The following PTPRF variants were observed in gnomAD, a reference collection of about 807,000 sequenced individuals.
The protein encoded by PTPRF is receptor-type tyrosine-protein phosphatase F.
Under a neutral mutation model 201.8 loss-of-function variants are expected in PTPRF, and 59 were observed. The observed-to-expected ratio is 0.29, with a 90% CI of 0.24 to 0.36. PTPRF has a LOEUF of 0.36. Ranked by LOEUF, PTPRF falls within the 10% of genes least tolerant of loss-of-function variation. The pLI is 1.00. For synonymous variants in PTPRF, 1,088 were observed against 1,089.7 expected (o/e 1.00, Z 0.03); for missense variants, 2,132 against 2,690.5 (o/e 0.79, Z 4.59).
intron 13 of PTPRF, among the ~76,000 whole-genome samples, chr1:43,601,626 C>T (rs1474562243): frequency 6.6e-6 from 1 of 152,232 alleles, no homozygotes; most frequent in Non-Finnish European, 1.5e-5. Flanking sequence ...TGGCAACAAG[C>T]ACAGGCCAGG....
intron 13 of PTPRF, 25 bp from the exon 14 acceptor site, chr1:43,602,046 C>T (rs775267333): frequency 1.2e-6 from 2 of 1,610,226 alleles, no homozygotes; most frequent in South Asian, 1.1e-5. Flanking sequence ...TCCTGTCTCC[C>T]TTTCTCTCCC....
intron 1 of PTPRF, chr1:43,532,657 A>T (rs548462230): frequency 6.3e-6 from 1 of 158,518 alleles, no homozygotes; most frequent in Admixed American, 6.4e-5. Context: ...GAGTTCTGAC[A>T]GGCTATCTAA....
At chr1:43,614,664 A>G (rs1657285778) in intron 23 of PTPRF, among the ~76,000 whole-genome samples, 1 of 152,110 alleles carries the variant, frequency 6.6e-6, no homozygotes, top group African/African-American at 2.4e-5. Flanking sequence ...CAGCCTGGCC[A>G]CCGTGGCGAA....
In PTPRF at chr1:43,603,717, G is replaced by A. The variant is rs76320098; in HGVS notation, c.2565G>A (p.Leu855=). The change falls in exon 16 of 34, where the codon CTG becomes CTA. Residue 855 remains leucine (L), a synonymous_variant. Transcript: ENST00000359947. This position sits in a 1 kb window ranked among gnomAD's most constrained non-coding sequence, Gnocchi z 5.8. ...CTGGCGAGCTGCTGGGCTACCGGCT[G>A]CAGTACTGCCGGGCCGACGAGGCGC... is the stretch of plus-strand genomic sequence containing the variant. The part of the protein sequence containing the change: ...ELPGELLGYR[L]QYCRADEARP... The A allele has an allele frequency of 9.1e-4, 1,463 of 1,613,730 alleles. 8 individuals are homozygous for A. In the African/African-American group the frequency reaches 0.016, roughly 18 times the overall value.
At chr1:43,618,488 G>A (rs1411940125) in intron 25 of PTPRF, 142 bp from the exon 26 acceptor site, 2 of 992,036 alleles carry the variant, frequency 2.0e-6, no homozygotes, top group Non-Finnish European at 1.5e-6. Context: ...TGGAGGACAG[G>A]GGGCAATGGA....
At chr1:43,560,105 AGT>A (rs58961389) in intron 5 of PTPRF, among the ~76,000 whole-genome samples, 1,711 of 138,830 alleles carry the variant, frequency 0.012, 18 homozygotes, top group East Asian at 0.015. Context: ...TGCAGCAGGC[AGT>A]GTGTGTGTGT....
chr1:43,547,783 C>T (rs949399387), intron 3 of PTPRF, among the ~76,000 whole-genome samples: 2 of 152,222 alleles, frequency 1.3e-5, no homozygotes, highest in African/African-American at 2.4e-5. Context: ...GTGTCAGTGC[C>T]GCACGCGCAG....
chr1:43,598,124 C>A (rs1652837183), intron 12 of PTPRF, 71 bp downstream of exon 12: 2 of 1,387,802 alleles, frequency 1.4e-6, no homozygotes, highest in African/African-American at 1.5e-5. Flanking sequence ...TCCCCAGGGC[C>A]TTCCTTTCCT....
At chr1:43,617,413 C>T (rs1004127481) in intron 23 of PTPRF, 32 bp from the exon 24 acceptor site, 26 of 1,613,440 alleles carry the variant, frequency 1.6e-5, no homozygotes, top group African/African-American at 2.7e-5. Flanking sequence ...TGGCTCTTAC[C>T]CCACCCCACC....
intron 33 of PTPRF, among the ~76,000 whole-genome samples, 161 bp downstream of exon 33, chr1:43,621,393 A>G (rs1012013710): frequency 1.3e-5 from 2 of 152,192 alleles, no homozygotes; most frequent in African/African-American, 4.8e-5. Context: ...TTATGGTCCT[A>G]CCTACTTGGG....
rs1339921157 is a variant in PTPRF at position 43,603,751 on chromosome 1, A to G, written c.2599A>G (p.Thr867Ala). ...YCRADEARPNTIDFGKDDQHF... is the reference protein window; with the variant it reads ...YCRADEARPNAIDFGKDDQHF... ...CCGGGCCGACGAGGCGCGGCCCAACACCATAGATTTCGGCAAGGATGACCA... is the reference window on the plus strand; with the variant it reads ...CCGGGCCGACGAGGCGCGGCCCAACGCCATAGATTTCGGCAAGGATGACCA... The change falls in exon 16 of 34, where the codon ACC (threonine) becomes GCC (alanine). Residue 867 changes from threonine (T) to alanine (A), a missense_variant. Physicochemically the swap from Thr to Ala is moderately conservative, Grantham distance 58 (BLOSUM62 0). This residue lies in a region of PTPRF where 818 missense variants were observed against 915.3 expected (regional missense o/e 0.89). Coordinates refer to ENST00000359947, the MANE Select transcript of PTPRF (RefSeq NM_002840.5). The surrounding 1 kb of genome is among the most constrained non-coding windows in gnomAD (Gnocchi z 5.8). 2 of 1,613,884 alleles carry G rather than the reference A, an allele frequency of 1.2e-6. No individual in the cohort carries two copies. Among genetic ancestry groups the G allele is most frequent in the Admixed American group, 3.3e-5 (2 of 60,016 alleles).
At position 43,622,014 on chromosome 1, in the gene PTPRF, C is replaced by A. The variant is rs1237972970; in HGVS notation, c.*11C>A. On this transcript the variant is annotated 3_prime_UTR_variant, in exon 34 of 34. Transcript: ENST00000359947. Reference sequence around the variant, plus strand: ...CACTATGCAACGTAACTACCGCTCCCCTCTCCTCCGCCACCCCCGCCGTGG... The same window carrying A: ...CACTATGCAACGTAACTACCGCTCCACTCTCCTCCGCCACCCCCGCCGTGG... 1 of 1,613,778 alleles carries A rather than the reference C, an allele frequency of 6.2e-7. No homozygotes were observed. The highest frequency in any genetic ancestry group is 1.7e-5 in the Admixed American group (1 of 60,028).
intron 5 of PTPRF, among the ~76,000 whole-genome samples, chr1:43,563,009 C>T (rs1645909971): frequency 6.6e-6 from 1 of 151,712 alleles, no homozygotes; most frequent in Non-Finnish European, 1.5e-5. Flanking sequence ...GAAACCCCGT[C>T]TCTACTAAAA....
At chr1:43,559,382 TAGTG>T (rs1283501571) in intron 5 of PTPRF, among the ~76,000 whole-genome samples, 1 of 151,988 alleles carries the variant, frequency 6.6e-6, no homozygotes, top group Non-Finnish European at 1.5e-5. Context: ...GGTAAGCAGG[TAGTG>T]AGTACCTTAT....
At chr1:43,596,941 G>A (rs1473768615) in intron 11 of PTPRF, among the ~76,000 whole-genome samples, 1 of 152,060 alleles carries the variant, frequency 6.6e-6, no homozygotes, top group Non-Finnish European at 1.5e-5. Flanking sequence ...ACACGGGTAT[G>A]TGATACTCTG....
intron 6 of PTPRF, among the ~76,000 whole-genome samples, chr1:43,571,571 A>G (rs564482297): frequency 2.0e-5 from 3 of 152,232 alleles, no homozygotes; most frequent in East Asian, 3.9e-4. Context: ...ATGGGTCTCA[A>G]GTTGGTTTGA....
chr1:43,598,627 G>T, intron 12 of PTPRF, 93 bp from the exon 13 acceptor site: 4 of 1,163,308 alleles, frequency 3.4e-6, no homozygotes, highest in African/African-American at 1.5e-5. Context: ...TGGGGGAGTG[G>T]GGTGCTGAGG....
intron 5 of PTPRF, among the ~76,000 whole-genome samples, chr1:43,558,228 G>A (rs571195656): frequency 1.1e-3 from 166 of 152,290 alleles, no homozygotes; most frequent in African/African-American, 3.9e-3. Context: ...CTTGGAGAAT[G>A]GCTGAGGGCT....
chr1:43,579,078 C>T (rs773825151), intron 7 of PTPRF, 158 bp downstream of exon 7: 1 of 763,028 alleles, frequency 1.3e-6, no homozygotes, highest in Non-Finnish European at 2.3e-6. Context: ...CAACAGCTCC[C>T]ACTGGGCAAG....
Sources: gnomAD v4.1 joint callset for allele counts (sites outside exome capture counted in the v4.1 genomes callset) on GRCh38, gnomAD v4.1.1 for gene constraint, gnomAD v4.1.1 regional missense constraint, Gnocchi (gnomAD v3.1) non-coding constraint, MANE v1.5 for transcripts, NCBI Gene and HGNC (gene_info 2026-07-23, HGNC 2026-07-21) for gene names.